TRPM6: variants seen among roughly 807,000 people sequenced by gnomAD.
The protein encoded by TRPM6 is transient receptor potential cation channel subfamily M member 6.
A neutral mutation model predicts 247.6 loss-of-function variants in TRPM6; 111 were observed. That is an observed-to-expected ratio of 0.45 (90% CI 0.38 to 0.52). The LOEUF (loss-of-function observed/expected upper bound fraction) is 0.52, where lower values mean the gene tolerates loss of function less well. Among genes scored for constraint, TRPM6 ranks in the 20% least tolerant of loss-of-function variants. The probability of loss-of-function intolerance (pLI) is 0.00; values close to 1 mark genes in which losing one functional copy is unlikely to be tolerated. For synonymous variants in TRPM6, 892 were observed against 853.8 expected, an observed-to-expected ratio of 1.04 and a Z score of -0.78; for missense variants, 2,126 against 2,421.5, an observed-to-expected ratio of 0.88 and a Z score of 2.56.
chr9:74,828,942 T>A (rs1415710881), intron 6 of TRPM6, among the ~76,000 whole-genome samples: 1 of 152,194 alleles, frequency 6.6e-6, no homozygotes, highest in Non-Finnish European at 1.5e-5. Flanking sequence ...TGTCTTTTTA[T>A]AGATTTATTC....
chr9:74,818,293 CTTTTTTTTTTTTTTTTTT>C, intron 9 of TRPM6, among the ~76,000 whole-genome samples: 1 of 72,024 alleles, frequency 1.4e-5, no homozygotes, highest in Non-Finnish European at 2.6e-5. Flanking sequence ...TCTATCATTT[CTTTTTTTTTTTTTTTTTT>C]TTTTTTTTGA....
At chr9:74,862,267 T>C (rs1830711370) in intron 1 of TRPM6, among the ~76,000 whole-genome samples, 1 of 152,160 alleles carries the variant, frequency 6.6e-6, no homozygotes, top group African/African-American at 2.4e-5. Context: ...ACCAAATGTT[T>C]GTTGGTTCTG....
intron 6 of TRPM6, among the ~76,000 whole-genome samples, chr9:74,832,132 AC>A (rs528239340): frequency 5.4e-4 from 83 of 152,316 alleles, no homozygotes; most frequent in Non-Finnish European, 9.6e-4. Flanking sequence ...CAATCAAACT[AC>A]CAATTTACAG....
At chr9:74,879,384 C>G (rs773161696) in intron 1 of TRPM6, among the ~76,000 whole-genome samples, 36 of 151,372 alleles carry the variant, frequency 2.4e-4, no homozygotes, top group Non-Finnish European at 4.6e-4. Context: ...TATAAAGGAA[C>G]CATGGATATA....
chr9:74,756,113 C>T (rs536339120), intron 27 of TRPM6, among the ~76,000 whole-genome samples: 1 of 152,294 alleles, frequency 6.6e-6, no homozygotes, highest in African/African-American at 2.4e-5. Context: ...AACTCAGTTG[C>T]AATTTCTAGT....
At chr9:74,878,235 C>T (rs957933516) in intron 1 of TRPM6, among the ~76,000 whole-genome samples, 2 of 152,158 alleles carry the variant, frequency 1.3e-5, no homozygotes, top group Admixed American at 6.6e-5. Flanking sequence ...CACCCACTGT[C>T]CAGGGGCTCA....
At chr9:74,755,236 T>C (rs1484483175) in intron 28 of TRPM6, 117 bp downstream of exon 28, 2 of 1,133,626 alleles carry the variant, frequency 1.8e-6, no homozygotes, top group Non-Finnish European at 2.7e-6. Context: ...TGTAGCCATC[T>C]TCTCTTTCCC....
intron 36 of TRPM6, among the ~76,000 whole-genome samples, chr9:74,736,743 G>A (rs1825708325): frequency 6.6e-6 from 1 of 152,124 alleles, no homozygotes; most frequent in Non-Finnish European, 1.5e-5. Flanking sequence ...GCCTATTTCT[G>A]CAATTCACAT....
intron 24 of TRPM6, among the ~76,000 whole-genome samples, chr9:74,772,073 T>G (rs1827066567): frequency 6.6e-6 from 1 of 152,202 alleles, no homozygotes; most frequent in African/African-American, 2.4e-5. Context: ...GTGGATCGCT[T>G]GAGCTCAGGA....
rs1418824655 is a variant in TRPM6, at chr9:74,792,747, G to A, written c.2415C>T (p.Gly805=). 11 of 1,613,658 alleles carry A rather than the reference G, an allele frequency of 6.8e-6. 1 individual carries two copies. Among genetic ancestry groups the A allele is most frequent in the South Asian group, 1.1e-5 (1 of 91,062 alleles). ...GATTTTCATCCAGTTTCTCATCATG[G>A]CCCCTTTCCAAATCATACTCTTTCT... ...ASVKEYDLER[G]HDEKLDENQH... Residue 805 remains glycine, a synonymous_variant, in exon 19 of 39, where the codon GGC becomes GGT. Transcript: ENST00000360774.
chr9:74,758,340 G>C (rs955375916), intron 27 of TRPM6, among the ~76,000 whole-genome samples: 3 of 151,896 alleles, frequency 2.0e-5, no homozygotes, highest in African/African-American at 2.4e-5. Context: ...GTGAACTAAA[G>C]ACAACTATCC....
intron 1 of TRPM6, chr9:74,887,514 C>G: frequency 8.4e-7 from 1 of 1,183,606 alleles, no homozygotes; most frequent in East Asian, 2.6e-5. Flanking sequence ...TTCCCACCGC[C>G]CCGAGCTGAA....
In TRPM6 at chr9:74,723,521, G is replaced by C. The variant is rs1373372048; in HGVS notation, c.*1092C>G. Reference sequence around the variant, plus strand: ...TCTCGTTTAAAAAAAAAAAAAAAAAGGCCAGGCGCAGTGGCTCACGCCTGT... The same window carrying C: ...TCTCGTTTAAAAAAAAAAAAAAAAACGCCAGGCGCAGTGGCTCACGCCTGT... On this transcript the variant is annotated 3_prime_UTR_variant, in exon 39 of 39. Coordinates refer to ENST00000360774, the MANE Select transcript of TRPM6 (RefSeq NM_017662.5). The C allele has an allele frequency of 6.8e-6, 1 of 146,030 alleles. No homozygotes were observed. Among genetic ancestry groups the C allele is most frequent in the Non-Finnish European group, 1.5e-5 (1 of 66,746 alleles). 9.0% of individuals were successfully genotyped at this position (146,030 alleles called of 1,614,324 possible).
chr9:74,871,941 C>T (rs1388617008), intron 1 of TRPM6, among the ~76,000 whole-genome samples: 1 of 151,938 alleles, frequency 6.6e-6, no homozygotes, highest in Non-Finnish European at 1.5e-5. Flanking sequence ...CAACCTCTGC[C>T]TCCTGGGTTC....
At chr9:74,757,563 CAAAAAAAAAAA>C (rs1176496033) in intron 27 of TRPM6, among the ~76,000 whole-genome samples, 2 of 54,040 alleles carry the variant, frequency 3.7e-5, no homozygotes, top group African/African-American at 1.2e-4. Context: ...GAGACCCTGT[CAAAAAAAAAAA>C]AAAAAAAAGG....
chr9:74,839,619 G>A (rs982185219), intron 5 of TRPM6, among the ~76,000 whole-genome samples: 3 of 152,008 alleles, frequency 2.0e-5, no homozygotes, highest in African/African-American at 7.2e-5. Context: ...GCTCAGGAAA[G>A]ACTATTTTCT....
Position 74,782,981 on chromosome 9 carries a change from T to C in TRPM6, c.2920-128A>G, listed in dbSNP as rs181274970. 1.2e-4 allele frequency: 107 copies of C among 885,414 alleles called. No individual in the cohort carries two copies. The African/African-American group carries it at 1.7e-3, about 14-fold the overall frequency. 54.8% of individuals were successfully genotyped at this position (885,414 alleles called of 1,614,324 possible). A position where few individuals can be genotyped will look rare whatever the true frequency, so the allele number is the denominator to read the frequency against. On this transcript the variant is annotated intron_variant, in intron 21 of 38. Coordinates refer to ENST00000360774, the MANE Select transcript of TRPM6 (RefSeq NM_017662.5). ...TGTCTAGTCATTGACTAAAACACCC[T>C]TGTGCAGGAACAGCTAGACTTTCTT...
chr9:74,837,668 G>A (rs1022567719), intron 5 of TRPM6, among the ~76,000 whole-genome samples: 4 of 151,396 alleles, frequency 2.6e-5, no homozygotes, highest in East Asian at 1.9e-4. Context: ...GGTTGGTCTC[G>A]ATCTCCTGAC....
intron 30 of TRPM6, 152 bp from the exon 31 acceptor site, chr9:74,748,066 T>A: frequency 1.3e-6 from 1 of 755,058 alleles, no homozygotes; most frequent in Non-Finnish European, 2.2e-6. Context: ...TGCCTAATGA[T>A]GTTTTGGTCA....
Sources: gnomAD v4.1 joint callset for allele counts (sites outside exome capture counted in the v4.1 genomes callset) on GRCh38, gnomAD v4.1.1 for gene constraint, MANE v1.5 for transcripts, NCBI Gene and HGNC (gene_info 2026-07-23, HGNC 2026-07-21) for gene names.